Variants in RAD51B observed in about 807,000 individuals in gnomAD.
The protein encoded by RAD51B is RAD51 paralog B.
Under a neutral mutation model 42.2 loss-of-function variants are expected in RAD51B, and 38 were observed. That is an observed-to-expected ratio of 0.90 (90% CI 0.70 to 1.18). The LOEUF (loss-of-function observed/expected upper bound fraction) is 1.18, where lower values mean the gene tolerates loss of function less well. RAD51B is among the 50% of genes most tolerant of loss of function. The probability of loss-of-function intolerance (pLI) is 0.00; values close to 1 mark genes in which losing one functional copy is unlikely to be tolerated. For missense variants in RAD51B, 373 were observed against 400.7 expected, an observed-to-expected ratio of 0.93 and a Z score of 0.59; for synonymous variants, 154 against 145.2, an observed-to-expected ratio of 1.06 and a Z score of -0.43.
At chr14:68,028,787 G>A (rs909551793) in intron 7 of RAD51B, among the ~76,000 whole-genome samples, 1 of 152,184 alleles carries the variant, frequency 6.6e-6, no homozygotes, top group Non-Finnish European at 1.5e-5. Context: ...GTGCCCCCAT[G>A]CTGGCCCTAC....
intron 7 of RAD51B, among the ~76,000 whole-genome samples, chr14:68,201,525 T>C (rs1442946838): frequency 3.3e-5 from 5 of 152,214 alleles, no homozygotes; most frequent in Non-Finnish European, 2.9e-5. Flanking sequence ...GGAATACTCT[T>C]CTTATGGCTC....
chr14:68,633,555 G>C (rs1385225871), intron 10 of RAD51B, among the ~76,000 whole-genome samples: 1 of 152,186 alleles, frequency 6.6e-6, no homozygotes, highest in African/African-American at 2.4e-5. Flanking sequence ...GGCAGTTTAT[G>C]AACAGTGCTC....
intron 10 of RAD51B, among the ~76,000 whole-genome samples, chr14:68,549,438 CGGAGTTTCGCTCTGTCGCCCAGGCT>C (rs1364868502): frequency 1.1e-4 from 4 of 36,964 alleles, no homozygotes; most frequent in Non-Finnish European, 1.5e-4. Context: ...TTTTTTGAGA[CGGAGTTTCGCTCTGTCGCCCAGGCT>C]GGAGTGCAGT....
intron 7 of RAD51B, among the ~76,000 whole-genome samples, chr14:67,984,260 T>G (rs1472950745): frequency 6.6e-6 from 1 of 152,126 alleles, no homozygotes; most frequent in Admixed American, 6.6e-5. Flanking sequence ...TATTAAAGAT[T>G]TAGTTTCGTT....
At chr14:68,081,352 G>A (rs2076909161) in intron 7 of RAD51B, among the ~76,000 whole-genome samples, 1 of 152,134 alleles carries the variant, frequency 6.6e-6, no homozygotes, top group South Asian at 2.1e-4. Context: ...TAGGACTGTG[G>A]TCCTGGCCCA....
At chr14:68,029,032 G>A (rs1463665302) in intron 7 of RAD51B, among the ~76,000 whole-genome samples, 1 of 152,220 alleles carries the variant, frequency 6.6e-6, no homozygotes, top group Non-Finnish European at 1.5e-5. Flanking sequence ...GGTCCACAGT[G>A]ATAGTGTGCA....
intron 7 of RAD51B, among the ~76,000 whole-genome samples, chr14:68,261,365 T>C (rs555681677): frequency 6.2e-4 from 95 of 152,350 alleles, no homozygotes; most frequent in Non-Finnish European, 1.1e-3. Context: ...GAGCTGTCTG[T>C]CTTTTCATGT....
chr14:68,460,195 T>C (rs1018691570), intron 9 of RAD51B, among the ~76,000 whole-genome samples: 1 of 151,894 alleles, frequency 6.6e-6, no homozygotes, highest in East Asian at 1.9e-4. Context: ...CTCACACCTA[T>C]AATCCCAGCA....
At chr14:68,549,604 C>T (rs1471049662) in intron 10 of RAD51B, among the ~76,000 whole-genome samples, 11 of 150,482 alleles carry the variant, frequency 7.3e-5, no homozygotes, top group East Asian at 1.9e-4. Flanking sequence ...TTAGTAGAGA[C>T]GGGGTTTCAC....
intron 10 of RAD51B, among the ~76,000 whole-genome samples, chr14:68,499,156 G>A (rs1884747325): frequency 6.6e-6 from 1 of 152,198 alleles, no homozygotes; most frequent in Admixed American, 6.5e-5. Flanking sequence ...TCACATGTGA[G>A]TTTTTGCACT....
chr14:68,198,716 A>G (rs954373212), intron 7 of RAD51B, among the ~76,000 whole-genome samples: 1 of 152,108 alleles, frequency 6.6e-6, no homozygotes, highest in Non-Finnish European at 1.5e-5. Flanking sequence ...GATACCTTTG[A>G]TTTTTATTAT....
At chr14:67,912,708 G>GTT (rs775992140) in intron 7 of RAD51B, among the ~76,000 whole-genome samples, 26 of 143,980 alleles carry the variant, frequency 1.8e-4, no homozygotes, top group African/African-American at 1.8e-4. Context: ...ACTTCTCTAA[G>GTT]TTTTTTTTTT....
At chr14:68,587,981 A>G (rs1427142925) in intron 10 of RAD51B, among the ~76,000 whole-genome samples, 3 of 152,238 alleles carry the variant, frequency 2.0e-5, no homozygotes, top group African/African-American at 7.2e-5. Context: ...CAGCAGGAGC[A>G]TCACCTGGGA....
In RAD51B at chr14:67,835,105, C is replaced by A; in HGVS notation, c.224C>A (p.Ser75Tyr). 1 of 1,613,324 alleles carries A rather than the reference C, an allele frequency of 6.2e-7. No individual in the cohort carries two copies. The highest frequency in any genetic ancestry group is 1.1e-5 in the South Asian group (1 of 91,062). ...GCTTATGGGATAAAAGCACAAAGGTCTGCTGATTTCTCACCAGCATTCTTA... is the reference window on the plus strand; with the variant it reads ...GCTTATGGGATAAAAGCACAAAGGTATGCTGATTTCTCACCAGCATTCTTA... The part of the protein sequence containing the change: ...QTAYGIKAQR[S>Y]ADFSPAFLST... The change falls in exon 4 of 11, where the codon TCT becomes TAT. Residue 75 changes from serine to tyrosine, a missense_variant. Ser to Tyr is a moderately radical substitution (Grantham distance 144). Coordinates refer to ENST00000471583, the MANE Select transcript of RAD51B (RefSeq NM_133510.4).
At chr14:68,082,476 T>G (rs1215526985) in intron 7 of RAD51B, among the ~76,000 whole-genome samples, 1 of 150,422 alleles carries the variant, frequency 6.6e-6, no homozygotes, top group East Asian at 1.9e-4. Flanking sequence ...GAGAAAGATA[T>G]ATATATATAT....
At chr14:68,299,123 G>A (rs982590840) in intron 8 of RAD51B, among the ~76,000 whole-genome samples, 7 of 151,734 alleles carry the variant, frequency 4.6e-5, no homozygotes, top group Non-Finnish European at 7.4e-5. Context: ...GATATGGAGT[G>A]GTTGTGTTTC....
chr14:68,314,525 C>T (rs1419223674), intron 8 of RAD51B, among the ~76,000 whole-genome samples: 1 of 152,170 alleles, frequency 6.6e-6, no homozygotes. Context: ...TTTGTTCATA[C>T]ATTGGAAGCC....
At chr14:68,285,257 T>C (rs891229667) in intron 7 of RAD51B, among the ~76,000 whole-genome samples, 16 of 152,174 alleles carry the variant, frequency 1.1e-4, no homozygotes, top group African/African-American at 3.6e-4. Context: ...GATTAAAACT[T>C]GAATTTCTGA....
chr14:68,003,041 A>G (rs926873986), intron 7 of RAD51B, among the ~76,000 whole-genome samples: 1 of 152,090 alleles, frequency 6.6e-6, no homozygotes, highest in South Asian at 2.1e-4. Flanking sequence ...GAATTTTTAA[A>G]TAGTGTTTTC....
Sources: allele counts gnomAD v4.1 joint callset (sites outside exome capture counted in the v4.1 genomes callset), GRCh38; gene constraint gnomAD v4.1.1; transcripts MANE v1.5; gene names NCBI Gene and HGNC (gene_info 2026-07-23, HGNC 2026-07-21).